The following CD226 variants were observed in gnomAD, a reference collection of about 807,000 sequenced individuals.
The protein encoded by CD226 is CD226 molecule.
CD226 carries 24 observed loss-of-function variants against 34.9 expected under a neutral mutation model. The ratio of observed to expected loss-of-function variants is 0.69; its 90% CI spans 0.50 to 0.97. The LOEUF (loss-of-function observed/expected upper bound fraction) is 0.97, where lower values mean the gene tolerates loss of function less well. Ranked by LOEUF, CD226 falls within the 50% of genes least tolerant of loss-of-function variation. The pLI, the probability that CD226 is intolerant of heterozygous loss-of-function variation, is 0.00. For missense variants in CD226, 397 were observed against 412.7 expected (o/e 0.96, Z 0.33); for synonymous variants, 148 against 147.4 (o/e 1.00, Z -0.03).
chr18:69,886,227 G>A (rs990539025), intron 3 of CD226, among the ~76,000 whole-genome samples: 4 of 152,150 alleles, frequency 2.6e-5, no homozygotes, highest in Non-Finnish European at 4.4e-5. Context: ...TTCCACAGAC[G>A]TCAAACGTGG....
intron 2 of CD226, among the ~76,000 whole-genome samples, chr18:69,945,150 T>C (rs1448598707): frequency 6.6e-6 from 1 of 152,266 alleles, no homozygotes; most frequent in Non-Finnish European, 1.5e-5. Context: ...TTCCCTGCTT[T>C]AGATTGTCAC....
intron 2 of CD226, among the ~76,000 whole-genome samples, chr18:69,912,233 G>A (rs890510648): frequency 2.0e-5 from 3 of 152,168 alleles, no homozygotes; most frequent in Non-Finnish European, 4.4e-5. Flanking sequence ...TCAGGACATA[G>A]GCATGGGCAA....
rs1031706795 is a variant in CD226 at position 69,858,178 on chromosome 18, T to G, written c.*6136A>C. The G allele has an allele frequency of 2.6e-5, 4 of 152,194 alleles. No individual in the cohort carries two copies. Among genetic ancestry groups the G allele is most frequent in the African/African-American group, 9.7e-5 (4 of 41,438 alleles). 9.4% of individuals were successfully genotyped at this position (152,194 alleles called of 1,614,324 possible). ...ATAGATACTAACTGTATTTATTTGT[T>G]TTTTCAGCAATTTATTTTAAAACAA... On this transcript the variant is annotated 3_prime_UTR_variant, in exon 6 of 6. Transcript: ENST00000582621.
chr18:69,891,405 T>C (rs777033696), intron 3 of CD226, among the ~76,000 whole-genome samples: 1 of 152,116 alleles, frequency 6.6e-6, no homozygotes, highest in Non-Finnish European at 1.5e-5. Flanking sequence ...ACTGAGAACT[T>C]TTGCTCTAAG....
In CD226 at chr18:69,861,567, T is replaced by C. The variant is rs1982832015; in HGVS notation, c.*2747A>G. 1 of 146,156 alleles carries C rather than the reference T, an allele frequency of 6.8e-6. No homozygotes were observed. The highest frequency in any genetic ancestry group is 2.5e-5 in the African/African-American group (1 of 40,450). 9.1% of individuals were successfully genotyped at this position (146,156 alleles called of 1,614,324 possible). On this transcript the variant is annotated 3_prime_UTR_variant, in exon 6 of 6. Transcript: ENST00000582621. ...GTATATATATATGTATATATATATA[T>C]ATATATGTAAAACTTAAGAAGCATT...
chr18:69,865,335 C>T (rs1803987320), intron 5 of CD226, among the ~76,000 whole-genome samples: 1 of 152,034 alleles, frequency 6.6e-6, no homozygotes, highest in South Asian at 2.1e-4. Context: ...AATTCAAGTG[C>T]CATGATTACT....
chr18:69,952,629 C>T (rs1220741298), upstream of CD226, among the ~76,000 whole-genome samples: 1 of 152,070 alleles, frequency 6.6e-6, no homozygotes, highest in Non-Finnish European at 1.5e-5. Flanking sequence ...AAATATAAGA[C>T]CTCAGACTGT....
intron 2 of CD226, among the ~76,000 whole-genome samples, chr18:69,915,855 G>A (rs1011170541): frequency 2.6e-5 from 4 of 151,976 alleles, no homozygotes; most frequent in African/African-American, 9.7e-5. Context: ...CACATTTATA[G>A]GTTTGTCTTT....
At chr18:69,959,633 G>GA (rs1416215249), upstream of CD226, among the ~76,000 whole-genome samples, 3 of 49,396 alleles carry the variant, frequency 6.1e-5, no homozygotes, top group African/African-American at 7.9e-5. Flanking sequence ...CTACTAAGTG[G>GA]AAAAAACAAT....
intron 2 of CD226, among the ~76,000 whole-genome samples, chr18:69,930,067 T>C (rs1404364381): frequency 6.6e-6 from 1 of 151,972 alleles, no homozygotes; most frequent in African/African-American, 2.4e-5. Flanking sequence ...TGGAGAAGAG[T>C]CCAAAAACTG....
chr18:69,896,439 C>T (rs1985308487), intron 2 of CD226, among the ~76,000 whole-genome samples: 1 of 152,186 alleles, frequency 6.6e-6, no homozygotes, highest in African/African-American at 2.4e-5. Flanking sequence ...CCTCGGCCTC[C>T]CAAAGTGCTG....
intron 2 of CD226, among the ~76,000 whole-genome samples, chr18:69,944,056 ATGT>A (rs1257887913): frequency 6.6e-6 from 1 of 150,656 alleles, no homozygotes; most frequent in Non-Finnish European, 1.5e-5. Flanking sequence ...CAATCCCAGT[ATGT>A]TGTTACTGAA....
intron 3 of CD226, among the ~76,000 whole-genome samples, chr18:69,894,121 G>C (rs1985065412): frequency 6.6e-6 from 1 of 150,850 alleles, no homozygotes; most frequent in Admixed American, 6.6e-5. Flanking sequence ...GGAAGGGAAG[G>C]AAAGATGGAA....
Position 69,873,131 on chromosome 18 carries a change from T to C in CD226, c.830+13A>G. On this transcript the variant is annotated intron_variant, in intron 4 of 5. Transcript: ENST00000582621. ...CATGGTGAATAAGATTCAGCATAAG[T>C]TGCACTACTCACCTGTTAAGGAAAA... 7.4e-7 allele frequency: 1 copy of C among 1,350,206 alleles called. No homozygotes were observed. The highest frequency in any genetic ancestry group is 1.1e-6 in the Non-Finnish European group (1 of 939,996). 83.6% of individuals were successfully genotyped at this position (1,350,206 alleles called of 1,614,324 possible). A position where few individuals can be genotyped will look rare whatever the true frequency, so the allele number is the denominator to read the frequency against.
intron 2 of CD226, among the ~76,000 whole-genome samples, chr18:69,930,502 G>T (rs1264703706): frequency 7.4e-6 from 1 of 135,888 alleles, no homozygotes. Context: ...AGCCACTTCT[G>T]CCCTGAGCAC....
At chr18:69,867,237 G>C (rs1983201778) in intron 5 of CD226, 120 bp downstream of exon 5, 1 of 647,098 alleles carries the variant, frequency 1.5e-6, no homozygotes, top group Non-Finnish European at 2.8e-6. Context: ...TAAATTACAG[G>C]CAACTGCATG....
intron 2 of CD226, among the ~76,000 whole-genome samples, chr18:69,925,846 T>C (rs1438482443): frequency 6.6e-6 from 1 of 152,072 alleles, no homozygotes; most frequent in Non-Finnish European, 1.5e-5. Flanking sequence ...CCACAGCACA[T>C]AGAATCACTT....
chr18:69,958,142 T>C (rs2055911341), upstream of CD226, among the ~76,000 whole-genome samples: 1 of 152,138 alleles, frequency 6.6e-6, no homozygotes, highest in Non-Finnish European at 1.5e-5. Flanking sequence ...ACCCCAAATA[T>C]GTCCTCACTG....
At chr18:69,919,539 CT>C (rs2055426111) in intron 2 of CD226, among the ~76,000 whole-genome samples, 1 of 152,184 alleles carries the variant, frequency 6.6e-6, no homozygotes, top group African/African-American at 2.4e-5. Context: ...AATAATTCTA[CT>C]TTCTGAAAGA....
Sources: allele counts gnomAD v4.1 joint callset (sites outside exome capture counted in the v4.1 genomes callset), GRCh38; gene constraint gnomAD v4.1.1; transcripts MANE v1.5; gene names NCBI Gene and HGNC (gene_info 2026-07-23, HGNC 2026-07-21).